Variants in C17orf99 observed in about 807,000 individuals in gnomAD.
C17orf99 encodes chromosome 17 open reading frame 99, also known as protein IL-40.
In C17orf99, 18 loss-of-function variants were observed where a neutral mutation model predicts 22.6. The ratio of observed to expected loss-of-function variants is 0.80; its 90% CI spans 0.55 to 1.18. The LOEUF is 1.18. C17orf99 is among the 50% of genes most tolerant of loss of function. C17orf99 has a pLI of 0.00. For synonymous variants in C17orf99, 147 were observed against 136.6 expected, an observed-to-expected ratio of 1.08 and a Z score of -0.53; for missense variants, 328 against 342.7, an observed-to-expected ratio of 0.96 and a Z score of 0.34.
intron 4 of C17orf99, 37 bp from the exon 5 acceptor site, chr17:78,165,852 G>T: frequency 7.8e-7 from 1 of 1,286,898 alleles, no homozygotes; most frequent in African/African-American, 1.5e-5. Flanking sequence ...GCTGGGAGGT[G>T]AGCCTGCCTG....
chr17:78,146,225 C>G, upstream of C17orf99: 1 of 560,982 alleles, frequency 1.8e-6, no homozygotes, highest in East Asian at 3.0e-5. The surrounding 1 kb of genome is among the most constrained non-coding windows in gnomAD (Gnocchi z 5.2). Context: ...GTTTGCTGTA[C>G]CGGGCCTGCC....
chr17:78,165,780 C>G (rs142542068), intron 4 of C17orf99, 109 bp from the exon 5 acceptor site: 1 of 1,257,664 alleles, frequency 8.0e-7, no homozygotes, highest in East Asian at 3.1e-5. Context: ...CCAGCCTGGA[C>G]AAAAAGAGCA....
intron 2 of C17orf99, among the ~76,000 whole-genome samples, chr17:78,147,332 G>A (rs2075444612): frequency 6.6e-6 from 1 of 152,204 alleles, no homozygotes; most frequent in South Asian, 2.1e-4. Context: ...GGGAGGTTGG[G>A]ATTCTCTGAC....
intron 2 of C17orf99, among the ~76,000 whole-genome samples, chr17:78,149,717 T>TA (rs990692754): frequency 2.0e-5 from 3 of 149,934 alleles, no homozygotes; most frequent in African/African-American, 7.3e-5. Context: ...ATTTAATTTT[T>TA]TTTTTTTTTT....
rs1160112901 is a variant in C17orf99, at chr17:78,166,064, G to C, written c.*18G>C. 9.4e-7 allele frequency: 1 copy of C among 1,064,424 alleles called. No homozygotes were observed. The highest frequency in any genetic ancestry group is 3.0e-5 in the East Asian group (1 of 33,086). The allele number at this position is 1,064,424 out of a possible 1,614,324, so 65.9% of individuals were successfully genotyped here. On this transcript the variant is annotated 3_prime_UTR_variant, in exon 5 of 5. Coordinates refer to ENST00000340363, the MANE Select transcript of C17orf99 (RefSeq NM_001163075.2). Reference sequence around the variant, plus strand: ...CCATGTAGAATGAACCGTCCAGAGAGCCAAGCACGGCAGAGGACTGCAGGC... The same window carrying C: ...CCATGTAGAATGAACCGTCCAGAGACCCAAGCACGGCAGAGGACTGCAGGC...
At position 78,166,157 on chromosome 17, in the gene C17orf99, A is replaced by G. The variant is rs948603483; in HGVS notation, c.*111A>G. On this transcript the variant is annotated 3_prime_UTR_variant, in exon 5 of 5. Coordinates refer to ENST00000340363, the MANE Select transcript of C17orf99 (RefSeq NM_001163075.2). ...GTGTGTTTTAGCTGCTCTTGCCACA[A>G]AAAAAAAAAAAAAAAAAAAAGGGTA... 17 of 122,432 alleles carry G rather than the reference A, an allele frequency of 1.4e-4. No individual in the cohort carries two copies. Among genetic ancestry groups the G allele is most frequent in the African/African-American group, 2.9e-4 (10 of 34,900 alleles). 7.6% of individuals were successfully genotyped at this position (122,432 alleles called of 1,614,324 possible). A position where few individuals can be genotyped will look rare whatever the true frequency, so the allele number is the denominator to read the frequency against.
At chr17:78,157,540 C>T (rs1394792397) in intron 2 of C17orf99, 34 of 896,168 alleles carry the variant, frequency 3.8e-5, no homozygotes, top group East Asian at 7.8e-5. Context: ...GGCTCACGCC[C>T]GTAATCCCAT....
At chr17:78,151,696 T>G (rs1171446196) in intron 2 of C17orf99, among the ~76,000 whole-genome samples, 1 of 152,156 alleles carries the variant, frequency 6.6e-6, no homozygotes, top group Non-Finnish European at 1.5e-5. Context: ...CATGAATTAC[T>G]GGAGTTAATA....
chr17:78,156,063 C>T (rs1484266145), intron 2 of C17orf99, among the ~76,000 whole-genome samples: 1 of 151,866 alleles, frequency 6.6e-6, no homozygotes. Context: ...GGCACAGTGG[C>T]TCACACCTGT....
intron 3 of C17orf99, among the ~76,000 whole-genome samples, chr17:78,162,826 C>T (rs2075588490): frequency 6.6e-6 from 1 of 152,174 alleles, no homozygotes; most frequent in African/African-American, 2.4e-5. Flanking sequence ...TGCTCTGTCG[C>T]CCAGGCTGAA....
intron 4 of C17orf99, 101 bp downstream of exon 4, chr17:78,164,465 C>T: frequency 6.5e-7 from 1 of 1,546,808 alleles, no homozygotes; most frequent in Non-Finnish European, 8.7e-7. Context: ...GACAGCTCTA[C>T]CCGGCCACTG....
intron 2 of C17orf99, among the ~76,000 whole-genome samples, chr17:78,155,828 T>C (rs1181478707): frequency 6.6e-6 from 1 of 151,754 alleles, no homozygotes; most frequent in South Asian, 2.1e-4. Context: ...GGTTTCTTCA[T>C]GTTGGCCAGG....
intron 3 of C17orf99, among the ~76,000 whole-genome samples, chr17:78,162,810 G>C (rs762067356): frequency 3.3e-5 from 5 of 152,122 alleles, no homozygotes; most frequent in Non-Finnish European, 7.4e-5. Flanking sequence ...TTTTGAGATG[G>C]AGTCTTGCTC....
At chr17:78,158,112 C>G in intron 2 of C17orf99, 1 of 888,482 alleles carries the variant, frequency 1.1e-6, no homozygotes, top group African/African-American at 1.7e-5. Context: ...GGCAAAGAGA[C>G]TGAGCAGAAG....
upstream of C17orf99, among the ~76,000 whole-genome samples, chr17:78,146,118 G>C (rs769112560): frequency 1.5e-4 from 23 of 152,160 alleles, no homozygotes; most frequent in Non-Finnish European, 3.1e-4. The surrounding 1 kb of genome is among the most constrained non-coding windows in gnomAD (Gnocchi z 5.2). Flanking sequence ...CACCACGTGA[G>C]CCCGGGATCC....
intron 3 of C17orf99, 114 bp downstream of exon 3, chr17:78,161,368 G>A (rs2075575442): frequency 1.0e-6 from 1 of 953,712 alleles, no homozygotes; most frequent in African/African-American, 1.6e-5. Context: ...CAGGGTGTGA[G>A]GGTGTGGACA....
Position 78,146,492 on chromosome 17 carries a change from G to A in C17orf99, c.37+48G>A, listed in dbSNP as rs1261729588. On this transcript the variant is annotated intron_variant, in intron 1 of 4. Coordinates refer to ENST00000340363, the MANE Select transcript of C17orf99 (RefSeq NM_001163075.2). The surrounding 1 kb of genome is among the most constrained non-coding windows in gnomAD (Gnocchi z 5.2). ...GGTGGGGCTGCTGCTGGGGCCTTGA[G>A]GTCTTGGGCTCAGGTGGGGGTACTG... The A allele has an allele frequency of 6.5e-7, 1 of 1,531,336 alleles. No individual in the cohort carries two copies. The highest frequency in any genetic ancestry group is 1.2e-5 in the South Asian group (1 of 83,702). 94.9% of individuals were successfully genotyped at this position (1,531,336 alleles called of 1,614,324 possible).
At chr17:78,162,162 G>A (rs1405271451) in intron 3 of C17orf99, among the ~76,000 whole-genome samples, 1 of 151,658 alleles carries the variant, frequency 6.6e-6, no homozygotes, top group African/African-American at 2.4e-5. Context: ...TATAATCCCA[G>A]CTACTGGGGA....
At chr17:78,146,205 T>C (rs2075436349), upstream of C17orf99, 3 of 513,088 alleles carry the variant, frequency 5.8e-6, no homozygotes, top group Admixed American at 9.8e-5. This position sits in a 1 kb window ranked among gnomAD's most constrained non-coding sequence, Gnocchi z 5.2. Context: ...TCTCTGGGGA[T>C]TGAGGGGGAG....
Sources: gnomAD v4.1 joint callset for allele counts (sites outside exome capture counted in the v4.1 genomes callset) on GRCh38, gnomAD v4.1.1 for gene constraint, Gnocchi (gnomAD v3.1) non-coding constraint, MANE v1.5 for transcripts, NCBI Gene and HGNC (gene_info 2026-07-23, HGNC 2026-07-21) for gene names.